DBNL: variants seen among roughly 807,000 people sequenced by gnomAD.
DBNL encodes the protein drebrin like, also known as drebrin-like protein.
A neutral mutation model predicts 62.2 loss-of-function variants in DBNL; 35 were observed. The ratio of observed to expected loss-of-function variants is 0.56; its 90% CI spans 0.43 to 0.75. DBNL has a LOEUF of 0.75. DBNL is among the 30% of genes least tolerant of loss of function. DBNL has a pLI of 0.00. For synonymous variants in DBNL, 197 were observed against 218.0 expected (o/e 0.90, Z 0.85); for missense variants, 495 against 578.4 (o/e 0.86, Z 1.48).
Position 44,058,147 on chromosome 7 carries a change from C to A in DBNL, c.571C>A (p.Arg191=). 1.9e-6 allele frequency: 3 copies of A among 1,557,282 alleles called. No individual in the cohort carries two copies. The highest frequency in any genetic ancestry group is 1.7e-6 in the Non-Finnish European group (2 of 1,150,878). The stretch of plus-strand genomic sequence containing the variant: ...CCTGCAGAAGGAGGAGGAGAACCGT[C>A]GGCTGGAGGAAAAGCGGCGGGCCGA... ...AKAEKEEENR[R]LEEKRRAEEA... The change falls in exon 7 of 13, where the codon CGG becomes AGG. Residue 191 remains arginine (R), a synonymous_variant. Transcript: ENST00000448521.
intron 1 of DBNL, 145 bp from the exon 2 acceptor site, chr7:44,050,080 G>A: frequency 3.6e-6 from 3 of 835,176 alleles, no homozygotes; most frequent in Middle Eastern, 2.9e-4. Context: ...GTGGGTCAGA[G>A]CAAAGTGAGA....
rs1361829549 is a variant in DBNL at position 44,062,721 on chromosome 7, C to T, written c.*1805C>T. On this transcript the variant is annotated 3_prime_UTR_variant, in exon 13 of 13. Transcript: ENST00000448521. ...CTGGCATGCACGGCTGCGCTGGACT[C>T]CAGGCTGTTGGGGGAGGTGCCTTTA... The T allele has an allele frequency of 5.0e-6, 8 of 1,607,996 alleles. No individual in the cohort carries two copies. The highest frequency in any genetic ancestry group is 6.8e-6 in the Non-Finnish European group (8 of 1,176,018).
intron 4 of DBNL, among the ~76,000 whole-genome samples, chr7:44,054,642 T>G (rs1303182732): frequency 6.6e-6 from 1 of 152,238 alleles, no homozygotes; most frequent in African/African-American, 2.4e-5. Flanking sequence ...GTTGGGAACA[T>G]TACAATTTTT....
rs963754235 is a variant in DBNL at position 44,060,823 on chromosome 7, C to T, written c.1200C>T (p.Gly400=). The T allele has an allele frequency of 1.9e-6, 3 of 1,614,068 alleles. No homozygotes were observed. The African/African-American group carries it at 4.0e-5, about 22-fold the overall frequency. The part of the protein sequence containing the change: ...ISFDPENLIT[G]IEVIDEGWWR... ...TTGACCCCGAGAACCTCATCACGGG[C>T]ATCGAGGTGATCGACGAAGGCTGGT... The change falls in exon 13 of 13, where the codon GGC becomes GGT. Residue 400 remains glycine (G), a synonymous_variant. Coordinates refer to ENST00000448521, the MANE Select transcript of DBNL (RefSeq NM_001014436.3). The surrounding 1 kb of genome is among the most constrained non-coding windows in gnomAD (Gnocchi z 6.3).
At chr7:44,050,137 G>T in intron 1 of DBNL, 88 bp from the exon 2 acceptor site, 2 of 1,454,142 alleles carry the variant, frequency 1.4e-6, no homozygotes, top group Non-Finnish European at 1.9e-6. Flanking sequence ...CAAGCTCTTT[G>T]GGATGTAGTG....
Position 44,044,810 on chromosome 7 carries a change from C to T in DBNL, c.73C>T (p.Pro25Ser), listed in dbSNP as rs554451124. 900 of 1,484,374 alleles carry T rather than the reference C, an allele frequency of 6.1e-4. 14 individuals carry two copies. The highest frequency in any genetic ancestry group is 3.7e-5 in the Non-Finnish European group (41 of 1,116,756). 92.0% of individuals were successfully genotyped at this position (1,484,374 alleles called of 1,614,324 possible). A position where few individuals can be genotyped will look rare whatever the true frequency, so the allele number is the denominator to read the frequency against. ...AYVRVVTEKS[P>S]TDWALFTYEG... The stretch of plus-strand genomic sequence containing the variant: ...CGTGCGGGTGGTCACCGAGAAGTCC[C>T]CGACCGACTGGTGGGCGGCGAGACG... The change falls in exon 1 of 13, where the codon CCG becomes TCG. Residue 25 changes from proline to serine, a missense_variant. Physicochemically the swap from Pro to Ser is moderately conservative, Grantham distance 74. Coordinates refer to ENST00000448521, the MANE Select transcript of DBNL (RefSeq NM_001014436.3).
At position 44,068,515 on chromosome 7, in the gene DBNL, CAG is replaced by C. The variant is rs1254704845; in HGVS notation, c.*7602_*7603del. On this transcript the variant is annotated 3_prime_UTR_variant, in exon 13 of 13. Coordinates refer to ENST00000448521, the MANE Select transcript of DBNL (RefSeq NM_001014436.3). ...TTCTGCTTAGGATTTAAACAAGGTC[CAG>C]AGTCTCAACATAATATTTAAAATAT... 1 of 152,174 alleles carries C rather than the reference CAG, an allele frequency of 6.6e-6. No homozygotes were observed. Among genetic ancestry groups the C allele is most frequent in the African/African-American group, 2.4e-5 (1 of 41,438 alleles). 9.4% of individuals were successfully genotyped at this position (152,174 alleles called of 1,614,324 possible). A position where few individuals can be genotyped will look rare whatever the true frequency, so the allele number is the denominator to read the frequency against.
At chr7:44,048,077 C>T (rs529166739) in intron 1 of DBNL, among the ~76,000 whole-genome samples, 4 of 152,224 alleles carry the variant, frequency 2.6e-5, no homozygotes, top group African/African-American at 9.6e-5. Context: ...CCACCACACC[C>T]AGCTAATTTT....
intron 1 of DBNL, among the ~76,000 whole-genome samples, chr7:44,048,039 C>T (rs1419462297): frequency 6.6e-6 from 1 of 151,986 alleles, no homozygotes; most frequent in African/African-American, 2.4e-5. Context: ...GCCTCAGCGT[C>T]CCAAGTAGCT....
chr7:44,057,575 C>G (rs1164440447), intron 5 of DBNL, among the ~76,000 whole-genome samples: 1 of 152,110 alleles, frequency 6.6e-6, no homozygotes, highest in Non-Finnish European at 1.5e-5. Context: ...GAGCATCCCC[C>G]TTGGGGCAGT....
intron 4 of DBNL, 98 bp from the exon 5 acceptor site, chr7:44,056,659 T>C (rs912671527): frequency 2.0e-6 from 3 of 1,477,094 alleles, no homozygotes; most frequent in African/African-American, 2.8e-5. Flanking sequence ...TCCAGTCCTG[T>C]GTGGTATAGT....
chr7:44,057,054 C>A, intron 5 of DBNL, 151 bp downstream of exon 5: 3 of 1,210,696 alleles, frequency 2.5e-6, no homozygotes, highest in Non-Finnish European at 2.3e-6. Flanking sequence ...TGATTGCCCA[C>A]TGACCAGATG....
intron 5 of DBNL, 120 bp downstream of exon 5, chr7:44,057,023 A>T: frequency 1.4e-6 from 2 of 1,424,042 alleles, no homozygotes; most frequent in Non-Finnish European, 9.6e-7. Flanking sequence ...GTTTCTGCAG[A>T]TGGTAACCCC....
chr7:44,061,132 C>A lies in DBNL; in HGVS notation c.*216C>A. ...CACATCCTTCCTGCATCCCCCGACCCTCCCAGACAGCTTGGCTCTTGCCCC... is the reference window on the plus strand; with the variant it reads ...CACATCCTTCCTGCATCCCCCGACCATCCCAGACAGCTTGGCTCTTGCCCC... On this transcript the variant is annotated 3_prime_UTR_variant, in exon 13 of 13. Transcript: ENST00000448521. The A allele has an allele frequency of 1.6e-6, 1 of 631,616 alleles. No homozygotes were observed. Among genetic ancestry groups the A allele is most frequent in the Non-Finnish European group, 2.6e-6 (1 of 381,218 alleles). 39.1% of individuals were successfully genotyped at this position (631,616 alleles called of 1,614,324 possible).
intron 1 of DBNL, among the ~76,000 whole-genome samples, chr7:44,047,838 A>G (rs1448449650): frequency 2.0e-5 from 3 of 148,790 alleles, no homozygotes; most frequent in African/African-American, 4.9e-5. Context: ...GGCCTGGGGT[A>G]GAGAGGGATC....
intron 4 of DBNL, among the ~76,000 whole-genome samples, chr7:44,053,423 G>A (rs1254859423): frequency 6.6e-6 from 1 of 152,118 alleles, no homozygotes; most frequent in East Asian, 1.9e-4. Context: ...GCATTTGTTG[G>A]TCACTTGTCA....
Position 44,058,148 on chromosome 7 carries a change from G to C in DBNL, c.572G>C (p.Arg191Pro). Residue 191 changes from arginine to proline, a missense_variant, in exon 7 of 13, where the codon CGG becomes CCG. Coordinates refer to ENST00000448521, the MANE Select transcript of DBNL (RefSeq NM_001014436.3). ...CTGCAGAAGGAGGAGGAGAACCGTC[G>C]GCTGGAGGAAAAGCGGCGGGCCGAG... ...AKAEKEEENR[R>P]LEEKRRAEEA... The C allele has an allele frequency of 6.4e-7, 1 of 1,557,860 alleles. No homozygotes were observed. The highest frequency in any genetic ancestry group is 8.7e-7 in the Non-Finnish European group (1 of 1,151,174).
At position 44,061,308 on chromosome 7, in the gene DBNL, G is replaced by T; in HGVS notation, c.*392G>T. 1 of 217,816 alleles carries T rather than the reference G, an allele frequency of 4.6e-6. No individual in the cohort carries two copies. The highest frequency in any genetic ancestry group is 7.2e-5 in the South Asian group (1 of 13,928). The allele number at this position is 217,816 out of a possible 1,614,324, so 13.5% of individuals were successfully genotyped here. A position where few individuals can be genotyped will look rare whatever the true frequency, so the allele number is the denominator to read the frequency against. ...TTTTCTTTTTCTCTTGCTTCTAAGG[G>T]GTGGTGGCCACCACTGTTTAGAATG... On this transcript the variant is annotated 3_prime_UTR_variant, in exon 13 of 13. Coordinates refer to ENST00000448521, the MANE Select transcript of DBNL (RefSeq NM_001014436.3).
rs1586004213 is a variant in DBNL at position 44,068,600 on chromosome 7, AAAG to A, written c.*7689_*7691del. On this transcript the variant is annotated 3_prime_UTR_variant, in exon 13 of 13. Coordinates refer to ENST00000448521, the MANE Select transcript of DBNL (RefSeq NM_001014436.3). ...ACCAGGAAAATCTTAACATGGGAGAAAAGAAGATGATCAATACATGCCCATCCT... is the reference window on the plus strand; with the variant it reads ...ACCAGGAAAATCTTAACATGGGAGAAAAGATGATCAATACATGCCCATCCT... 2.0e-5 allele frequency: 3 copies of A among 152,236 alleles called. No individual in the cohort carries two copies. Among genetic ancestry groups the A allele is most frequent in the Non-Finnish European group, 2.9e-5 (2 of 68,044 alleles). 9.4% of individuals were successfully genotyped at this position (152,236 alleles called of 1,614,324 possible). A position where few individuals can be genotyped will look rare whatever the true frequency, so the allele number is the denominator to read the frequency against.
Sources: allele counts gnomAD v4.1 joint callset (sites outside exome capture counted in the v4.1 genomes callset), GRCh38; gene constraint gnomAD v4.1.1; non-coding constraint Gnocchi (gnomAD v3.1); transcripts MANE v1.5; gene names NCBI Gene and HGNC (gene_info 2026-07-23, HGNC 2026-07-21).